ROR1: variants seen among roughly 807,000 people sequenced by gnomAD.
ROR1 encodes the protein inactive tyrosine-protein kinase transmembrane receptor ROR1.
Under a neutral mutation model 78.8 loss-of-function variants are expected in ROR1, and 19 were observed. That is an observed-to-expected ratio of 0.24 (90% CI 0.17 to 0.35). The LOEUF is 0.35. Among genes scored for constraint, ROR1 ranks in the 10% least tolerant of loss-of-function variants. The probability of loss-of-function intolerance (pLI) is 1.00; values close to 1 mark genes in which losing one functional copy is unlikely to be tolerated. For synonymous variants in ROR1, 386 were observed against 433.6 expected (o/e 0.89, Z 1.36); for missense variants, 917 against 1,177.8 (o/e 0.78, Z 3.24).
Position 64,139,991 on chromosome 1 carries a change from T to A in ROR1, c.611-118T>A, listed in dbSNP as rs1649246806. 5 of 921,964 alleles carry A rather than the reference T, an allele frequency of 5.4e-6. No homozygotes were observed. In the East Asian group the frequency reaches 8.0e-5, roughly 15 times the overall value. The allele number at this position is 921,964 out of a possible 1,614,324, so 57.1% of individuals were successfully genotyped here. A position where few individuals can be genotyped will look rare whatever the true frequency, so the allele number is the denominator to read the frequency against. ...AATGAATCTCCTTCTCTGGGCCTTGTCTGTTTCAGCACGGCGGATTCCTTG... is the reference window on the plus strand; with the variant it reads ...AATGAATCTCCTTCTCTGGGCCTTGACTGTTTCAGCACGGCGGATTCCTTG... On this transcript the variant is annotated intron_variant, in intron 5 of 8. Coordinates refer to ENST00000371079, the MANE Select transcript of ROR1 (RefSeq NM_005012.4).
At chr1:63,848,568 A>T (rs962287926) in intron 1 of ROR1, among the ~76,000 whole-genome samples, 19 of 152,224 alleles carry the variant, frequency 1.2e-4, no homozygotes, top group African/African-American at 4.6e-4. Context: ...CAGATAGTGG[A>T]GGCCTGTGGT....
chr1:63,774,244 C>T lies in ROR1; in HGVS notation c.-174C>T, dbSNP rs911173847. ...GGATCGCGCTCGCGGCATCCAGAGG[C>T]GGCCAGGCGGAGGCGAGGGAGCAGG... On this transcript the variant is annotated 5_prime_UTR_variant, in exon 1 of 9. Coordinates refer to ENST00000371079, the MANE Select transcript of ROR1 (RefSeq NM_005012.4). The surrounding 1 kb of genome is among the most constrained non-coding windows in gnomAD (Gnocchi z 5.7). 1.0e-5 allele frequency: 3 copies of T among 292,630 alleles called. No individual in the cohort carries two copies. Among genetic ancestry groups the T allele is most frequent in the Non-Finnish European group, 1.8e-5 (3 of 162,424 alleles). 18.1% of individuals were successfully genotyped at this position (292,630 alleles called of 1,614,324 possible).
chr1:63,987,185 G>T (rs1449220331), intron 1 of ROR1, among the ~76,000 whole-genome samples: 1 of 152,164 alleles, frequency 6.6e-6, no homozygotes, highest in African/African-American at 2.4e-5. Flanking sequence ...CCAGGAATGG[G>T]CTAATAGATG....
At chr1:63,819,818 A>G (rs962821735) in intron 1 of ROR1, among the ~76,000 whole-genome samples, 1 of 152,190 alleles carries the variant, frequency 6.6e-6, no homozygotes, top group Non-Finnish European at 1.5e-5. Flanking sequence ...GTCTTATTGT[A>G]AGGATAAAGT....
At chr1:63,814,665 A>G (rs1396215885) in intron 1 of ROR1, among the ~76,000 whole-genome samples, 4 of 151,854 alleles carry the variant, frequency 2.6e-5, no homozygotes, top group Non-Finnish European at 5.9e-5. Context: ...CAACTTAGAT[A>G]CCTCGCATAT....
chr1:63,926,289 T>G (rs1193553774), intron 1 of ROR1, among the ~76,000 whole-genome samples: 1 of 149,890 alleles, frequency 6.7e-6, no homozygotes, highest in Non-Finnish European at 1.5e-5. Flanking sequence ...CCCCATTGCT[T>G]GTTTTTCTCA....
chr1:64,029,672 C>T (rs1646644102), intron 2 of ROR1, among the ~76,000 whole-genome samples: 1 of 152,038 alleles, frequency 6.6e-6, no homozygotes, highest in Non-Finnish European at 1.5e-5. Context: ...GAGAGAGGTC[C>T]TTATATTTTT....
intron 1 of ROR1, among the ~76,000 whole-genome samples, chr1:63,858,702 C>T (rs1171499881): frequency 6.6e-6 from 1 of 152,100 alleles, no homozygotes; most frequent in Non-Finnish European, 1.5e-5. Flanking sequence ...CCCCTAGTGC[C>T]TCAGTGACCT....
At chr1:64,042,731 C>G (rs1646754456) in intron 2 of ROR1, among the ~76,000 whole-genome samples, 1 of 152,156 alleles carries the variant, frequency 6.6e-6, no homozygotes, top group Non-Finnish European at 1.5e-5. Context: ...GGCTTGAACT[C>G]AAGAATGTGC....
intron 4 of ROR1, among the ~76,000 whole-genome samples, chr1:64,122,355 C>G (rs1021790765): frequency 7.2e-4 from 110 of 152,326 alleles, no homozygotes; most frequent in African/African-American, 2.5e-3. Context: ...TGGGGACTGG[C>G]ATTTCCACTG....
chr1:64,064,984 A>T (rs1646945045), intron 4 of ROR1, among the ~76,000 whole-genome samples: 1 of 152,146 alleles, frequency 6.6e-6, no homozygotes, highest in Non-Finnish European at 1.5e-5. Context: ...AAATCATCAT[A>T]CCCTTGCCCT....
At chr1:63,903,697 T>C (rs1645503811) in intron 1 of ROR1, among the ~76,000 whole-genome samples, 1 of 151,916 alleles carries the variant, frequency 6.6e-6, no homozygotes, top group African/African-American at 2.4e-5. Flanking sequence ...ATTATATAAC[T>C]ATATAGCTAT....
chr1:64,159,212 G>A lies in ROR1; in HGVS notation c.1386+20G>A. ...CCCAAGGTAATGTTAGCAGTACAGA[G>A]CTACATTTGTTCCGTGGGCTTCAAG... On this transcript the variant is annotated intron_variant, in intron 8 of 8. Coordinates refer to ENST00000371079, the MANE Select transcript of ROR1 (RefSeq NM_005012.4). 1 of 1,575,128 alleles carries A rather than the reference G, an allele frequency of 6.3e-7. No homozygotes were observed. Among genetic ancestry groups the A allele is most frequent in the Non-Finnish European group, 8.7e-7 (1 of 1,144,488 alleles).
At chr1:64,009,173 G>A (rs1646454924) in intron 1 of ROR1, 132 bp from the exon 2 acceptor site, 4 of 703,816 alleles carry the variant, frequency 5.7e-6, no homozygotes, top group Non-Finnish European at 1.0e-5. Flanking sequence ...AGTCTAATAA[G>A]CTATGGGATT....
intron 2 of ROR1, among the ~76,000 whole-genome samples, chr1:64,033,321 A>G (rs1557618917): frequency 6.6e-6 from 1 of 152,198 alleles, no homozygotes; most frequent in Non-Finnish European, 1.5e-5. Flanking sequence ...TGCATCTGAC[A>G]GTCACCAAAA....
At chr1:64,008,179 T>C (rs1646444564) in intron 1 of ROR1, among the ~76,000 whole-genome samples, 1 of 152,178 alleles carries the variant, frequency 6.6e-6, no homozygotes, top group Admixed American at 6.5e-5. Context: ...ATGGTACCTA[T>C]GATTTTACTC....
At chr1:64,151,074 A>T (rs1649608182) in intron 7 of ROR1, among the ~76,000 whole-genome samples, 1 of 152,224 alleles carries the variant, frequency 6.6e-6, no homozygotes, top group Non-Finnish European at 1.5e-5. Flanking sequence ...CTGGCAGGAA[A>T]CACATGGCAC....
intron 8 of ROR1, among the ~76,000 whole-genome samples, chr1:64,171,736 G>C (rs1650248439): frequency 6.6e-6 from 1 of 152,092 alleles, no homozygotes. Context: ...ACCACCCTGG[G>C]CTCGATTCCC....
chr1:64,063,953 TTC>T (rs376511744), intron 4 of ROR1, among the ~76,000 whole-genome samples: 37 of 149,334 alleles, frequency 2.5e-4, no homozygotes, highest in Non-Finnish European at 2.1e-4. Flanking sequence ...AGCTCTACCT[TTC>T]TCTCTCTCTC....
Sources: allele counts gnomAD v4.1 joint callset (sites outside exome capture counted in the v4.1 genomes callset), GRCh38; gene constraint gnomAD v4.1.1; non-coding constraint Gnocchi (gnomAD v3.1); transcripts MANE v1.5; gene names NCBI Gene and HGNC (gene_info 2026-07-23, HGNC 2026-07-21).